The following PTK2 variants were observed in gnomAD, a reference collection of about 807,000 sequenced individuals.
PTK2 encodes focal adhesion kinase 1.
Under a neutral mutation model 150.1 loss-of-function variants are expected in PTK2, and 45 were observed. The observed-to-expected ratio is 0.30, with a 90% confidence interval of 0.24 to 0.38. The LOEUF is 0.38. PTK2 is among the 10% of genes least tolerant of loss of function. PTK2 has a pLI of 1.00. For missense variants in PTK2, 919 were observed against 1,307.3 expected (o/e 0.70, Z 4.58); for synonymous variants, 432 against 449.2 (o/e 0.96, Z 0.48).
intron 2 of PTK2, among the ~76,000 whole-genome samples, chr8:140,893,716 T>C (rs922888007): frequency 2.0e-5 from 3 of 152,170 alleles, no homozygotes; most frequent in Non-Finnish European, 4.4e-5. Context: ...ATGGTGATGG[T>C]TGAATATACT....
chr8:140,678,553 C>T (rs2100015153), intron 27 of PTK2, among the ~76,000 whole-genome samples: 1 of 152,116 alleles, frequency 6.6e-6, no homozygotes, highest in South Asian at 2.1e-4. Flanking sequence ...AAGGTTTTGC[C>T]ATATTACCCA....
Position 140,789,514 on chromosome 8 carries a change from G to A in PTK2, c.1137C>T (p.Ser379=), listed in dbSNP as rs773136444. The A allele has an allele frequency of 1.2e-5, 20 of 1,612,810 alleles. No homozygotes were observed. The East Asian group carries it at 2.0e-4, about 16-fold the overall frequency. Residue 379 remains serine (S), a synonymous_variant, in exon 14 of 32, where the codon AGC becomes AGT. Coordinates refer to ENST00000522684, the Ensembl canonical transcript of PTK2. Reference sequence around the variant, plus strand: ...CGTGTGTCCGCATGCCTTGCTTTTCGCTGTTGGCCAACCTGTGACAGACAA... The same window carrying A: ...CGTGTGTCCGCATGCCTTGCTTTTCACTGTTGGCCAACCTGTGACAGACAA...
At chr8:140,800,058 C>G (rs1000450373) in intron 12 of PTK2, among the ~76,000 whole-genome samples, 4 of 152,046 alleles carry the variant, frequency 2.6e-5, no homozygotes, top group African/African-American at 4.8e-5. Flanking sequence ...ATGCTCTAAG[C>G]TTTTGAGATA....
At chr8:140,899,106 A>T (rs2100157453) in intron 2 of PTK2, among the ~76,000 whole-genome samples, 1 of 152,210 alleles carries the variant, frequency 6.6e-6, no homozygotes, top group Non-Finnish European at 1.5e-5. Context: ...TTACTAGACA[A>T]AGCAGCTAAC....
chr8:140,887,862 CACA>C (rs2154607296), intron 3 of PTK2, among the ~76,000 whole-genome samples: 4 of 152,194 alleles, frequency 2.6e-5, no homozygotes, highest in African/African-American at 9.6e-5. Context: ...TATACTATAG[CACA>C]TGTCAATTCA....
chr8:140,978,787 TG>T (rs1024098681), intron 1 of PTK2, among the ~76,000 whole-genome samples: 1 of 137,226 alleles, frequency 7.3e-6, no homozygotes. Flanking sequence ...CTATAAATCA[TG>T]CTGCTATAAA....
intron 1 of PTK2, among the ~76,000 whole-genome samples, chr8:140,959,024 C>T (rs959372872): frequency 4.6e-5 from 7 of 152,090 alleles, no homozygotes; most frequent in Non-Finnish European, 1.0e-4. Flanking sequence ...TGTCACAGAT[C>T]AATTGTCACA....
At chr8:140,923,436 G>A (rs1222662142) in intron 2 of PTK2, among the ~76,000 whole-genome samples, 1 of 152,232 alleles carries the variant, frequency 6.6e-6, no homozygotes, top group Non-Finnish European at 1.5e-5. Context: ...ATGAAGTTCA[G>A]AGAGGCCAAG....
chr8:140,976,987 T>C (rs2100189476), intron 1 of PTK2, among the ~76,000 whole-genome samples: 2 of 152,274 alleles, frequency 1.3e-5, no homozygotes, highest in Admixed American at 6.5e-5. Context: ...AAAAGCTCAT[T>C]TGTTTGTAAT....
At chr8:140,712,125 T>C (rs1337331512) in intron 23 of PTK2, among the ~76,000 whole-genome samples, 1 of 152,078 alleles carries the variant, frequency 6.6e-6, no homozygotes, top group Non-Finnish European at 1.5e-5. Context: ...CCAACACTCA[T>C]ACTGTTAGAA....
chr8:140,688,842 TA>T (rs1371627226), intron 26 of PTK2, among the ~76,000 whole-genome samples: 2 of 152,180 alleles, frequency 1.3e-5, no homozygotes, highest in Non-Finnish European at 2.9e-5. Context: ...AACAATAATT[TA>T]AAAAATGAAT....
chr8:140,773,733 T>C (rs1347933321), intron 14 of PTK2, among the ~76,000 whole-genome samples: 1 of 152,172 alleles, frequency 6.6e-6, no homozygotes, highest in Non-Finnish European at 1.5e-5. Context: ...GCACTGGCTT[T>C]TATTCTAAAT....
At chr8:140,706,602 T>G (rs1320374874) in intron 23 of PTK2, among the ~76,000 whole-genome samples, 1 of 152,146 alleles carries the variant, frequency 6.6e-6, no homozygotes, top group Non-Finnish European at 1.5e-5. Context: ...GGCCAGGAGT[T>G]GAAAACCAAT....
At chr8:140,771,926 C>A (rs937910776) in intron 14 of PTK2, among the ~76,000 whole-genome samples, 6 of 151,028 alleles carry the variant, frequency 4.0e-5, no homozygotes, top group African/African-American at 9.8e-5. Flanking sequence ...ATTACAGGCG[C>A]CTGCTACCAA....
intron 1 of PTK2, among the ~76,000 whole-genome samples, chr8:140,951,731 T>TG (rs1311414254): frequency 2.0e-5 from 3 of 151,920 alleles, no homozygotes; most frequent in Non-Finnish European, 4.4e-5. Flanking sequence ...AAAAATTTTT[T>TG]TAATTAGCCA....
intron 27 of PTK2, among the ~76,000 whole-genome samples, chr8:140,678,548 T>G (rs2153494520): frequency 6.6e-6 from 1 of 152,156 alleles, no homozygotes; most frequent in Admixed American, 6.5e-5. Context: ...GAGACAAGGT[T>G]TTGCCATATT....
At chr8:140,937,585 T>TAAAAAAAAAA (rs35149796) in intron 1 of PTK2, among the ~76,000 whole-genome samples, 2 of 130,144 alleles carry the variant, frequency 1.5e-5, no homozygotes, top group Non-Finnish European at 1.6e-5. Flanking sequence ...AAGTAAACAA[T>TAAAAAAAAAA]AAAAAAAAAA....
intron 2 of PTK2, among the ~76,000 whole-genome samples, chr8:140,901,377 T>C (rs1364315509): frequency 1.3e-5 from 2 of 152,116 alleles, no homozygotes; most frequent in Admixed American, 1.3e-4. Flanking sequence ...ATTTTTCAAC[T>C]TAAGACCTCA....
At chr8:140,721,972 T>C (rs1223756950) in intron 22 of PTK2, among the ~76,000 whole-genome samples, 2 of 152,218 alleles carry the variant, frequency 1.3e-5, no homozygotes, top group Non-Finnish European at 2.9e-5. Context: ...AGGCCAAAAG[T>C]TGTTACCTGA....
Sources: allele counts gnomAD v4.1 joint callset (sites outside exome capture counted in the v4.1 genomes callset), GRCh38; gene constraint gnomAD v4.1.1; transcripts MANE v1.5; gene names NCBI Gene and HGNC (gene_info 2026-07-23, HGNC 2026-07-21).